The following ATP2B2 variants were observed in gnomAD, a reference collection of about 807,000 sequenced individuals.
ATP2B2 encodes ATPase plasma membrane Ca2+ transporting 2, also known as plasma membrane calcium-transporting ATPase 2.
ATP2B2 carries 15 observed loss-of-function variants against 120.0 expected under a neutral mutation model. The ratio of observed to expected loss-of-function variants is 0.12; its 90% CI spans 0.08 to 0.19. The LOEUF (loss-of-function observed/expected upper bound fraction) is 0.19. Ranked by LOEUF, ATP2B2 falls within the 10% of genes least tolerant of loss-of-function variation. The pLI, the probability that ATP2B2 is intolerant of heterozygous loss-of-function variation, is 1.00. For missense variants in ATP2B2, 1,045 were observed against 1,719.8 expected (o/e 0.61, Z 6.94); for synonymous variants, 694 against 700.3 (o/e 0.99, Z 0.14).
chr3:10,589,185 A>G (rs747477514), intron 2 of ATP2B2, among the ~76,000 whole-genome samples: 5 of 152,122 alleles, frequency 3.3e-5, no homozygotes, highest in Non-Finnish European at 7.4e-5. Context: ...CCTGAACTCC[A>G]GCCACTCCCA....
chr3:10,399,480 A>C (rs1234098290), intron 5 of ATP2B2, among the ~76,000 whole-genome samples: 1 of 152,232 alleles, frequency 6.6e-6, no homozygotes, highest in Non-Finnish European at 1.5e-5. Context: ...ACAATGGTGG[A>C]ACATCTTCAT....
upstream of ATP2B2, among the ~76,000 whole-genome samples, chr3:10,509,009 C>T (rs2066706026): frequency 6.6e-6 from 1 of 152,130 alleles, no homozygotes; most frequent in South Asian, 2.1e-4. Context: ...GTTGGCCAGA[C>T]CATGTTTTTC....
At chr3:10,418,581 C>G (rs935867913) in intron 2 of ATP2B2, among the ~76,000 whole-genome samples, 15 of 152,118 alleles carry the variant, frequency 9.9e-5, no homozygotes, top group Admixed American at 7.2e-4. Context: ...CTCTTCTCCC[C>G]TGTTCTGAGG....
chr3:10,681,230 C>T (rs528287307), intron 1 of ATP2B2, among the ~76,000 whole-genome samples: 1 of 152,298 alleles, frequency 6.6e-6, no homozygotes, highest in African/African-American at 2.4e-5. Flanking sequence ...TATAGCAATG[C>T]TAGAATGGCC....
At chr3:10,663,885 G>A (rs1575603260) in intron 1 of ATP2B2, among the ~76,000 whole-genome samples, 3 of 152,250 alleles carry the variant, frequency 2.0e-5, no homozygotes, top group Middle Eastern at 3.4e-3. Flanking sequence ...GACAGGGTCA[G>A]GTCTCCTCTA....
chr3:10,578,439 C>T (rs575933105), intron 2 of ATP2B2, among the ~76,000 whole-genome samples: 11 of 150,528 alleles, frequency 7.3e-5, no homozygotes, highest in African/African-American at 2.0e-4. Context: ...CCCACCTACT[C>T]GGGAGGTTGA....
chr3:10,687,824 G>A (rs968294150), intron 1 of ATP2B2, among the ~76,000 whole-genome samples: 28 of 152,112 alleles, frequency 1.8e-4, no homozygotes, highest in South Asian at 1.3e-3. Flanking sequence ...TCACACCACC[G>A]CACTCCAGCC....
intron 14 of ATP2B2, among the ~76,000 whole-genome samples, chr3:10,355,465 A>G (rs1398583374): frequency 6.6e-6 from 1 of 152,156 alleles, no homozygotes; most frequent in Non-Finnish European, 1.5e-5. Context: ...TGGGAGGGTA[A>G]GTCTTCCAGT....
chr3:10,437,320 A>G (rs140905463), intron 2 of ATP2B2, among the ~76,000 whole-genome samples: 120 of 152,324 alleles, frequency 7.9e-4, no homozygotes, highest in African/African-American at 1.8e-3. Flanking sequence ...TTTCCTGGGC[A>G]GTGCTAAGTG....
chr3:10,672,672 G>T (rs1181366195), intron 1 of ATP2B2, among the ~76,000 whole-genome samples: 1 of 152,192 alleles, frequency 6.6e-6, no homozygotes, highest in African/African-American at 2.4e-5. Context: ...TCCAACCAGG[G>T]TGTGCTGAAC....
At chr3:10,552,796 T>C (rs1411910556) in intron 2 of ATP2B2, among the ~76,000 whole-genome samples, 2 of 152,222 alleles carry the variant, frequency 1.3e-5, no homozygotes, top group Non-Finnish European at 2.9e-5. Flanking sequence ...GAGAAGCAGG[T>C]GAACTGGAGA....
intron 3 of ATP2B2, among the ~76,000 whole-genome samples, chr3:10,531,076 G>C (rs1441587383): frequency 6.6e-6 from 1 of 152,214 alleles, no homozygotes; most frequent in African/African-American, 2.4e-5. Context: ...TTGAGGCAGT[G>C]ACTCGAGCTG....
chr3:10,524,045 C>T (rs1472712188), intron 3 of ATP2B2, among the ~76,000 whole-genome samples: 4 of 152,174 alleles, frequency 2.6e-5, no homozygotes, highest in African/African-American at 9.7e-5. Context: ...CTTAAAATAT[C>T]GTGAGCATTG....
chr3:10,514,849 T>C (rs1416973450), intron 3 of ATP2B2, among the ~76,000 whole-genome samples: 1 of 152,106 alleles, frequency 6.6e-6, no homozygotes, highest in African/African-American at 2.4e-5. Flanking sequence ...CTGGGCCACC[T>C]CTCTCACTGC....
chr3:10,530,072 G>A (rs2067179037), intron 3 of ATP2B2, among the ~76,000 whole-genome samples: 1 of 152,162 alleles, frequency 6.6e-6, no homozygotes, highest in Non-Finnish European at 1.5e-5. Flanking sequence ...GTGGTCATGT[G>A]TCACGGCAGC....
intron 12 of ATP2B2, among the ~76,000 whole-genome samples, chr3:10,365,257 C>G (rs2061010376): frequency 6.6e-6 from 1 of 152,250 alleles, no homozygotes; most frequent in Non-Finnish European, 1.5e-5. Flanking sequence ...ATGCCCACAT[C>G]CCCACCCCAC....
chr3:10,617,901 G>A (rs923862452), intron 2 of ATP2B2, among the ~76,000 whole-genome samples: 46 of 151,052 alleles, frequency 3.0e-4, no homozygotes, highest in African/African-American at 1.1e-3. Flanking sequence ...TGCCCACCTG[G>A]CCATTTGCTC....
At chr3:10,456,890 C>T (rs2064282355) in intron 1 of ATP2B2, among the ~76,000 whole-genome samples, 1 of 152,266 alleles carries the variant, frequency 6.6e-6, no homozygotes, top group African/African-American at 2.4e-5. Flanking sequence ...CCTCTTCCTC[C>T]ATGCTGAACC....
At position 10,329,243 on chromosome 3, in the gene ATP2B2, A is replaced by G; in HGVS notation, c.3421-118T>C. The G allele has an allele frequency of 9.9e-7, 1 of 1,010,978 alleles. No individual in the cohort carries two copies. The highest frequency in any genetic ancestry group is 1.3e-5 in the South Asian group (1 of 77,098). The allele number at this position is 1,010,978 out of a possible 1,614,324, so 62.6% of individuals were successfully genotyped here. On this transcript the variant is annotated intron_variant, in intron 22 of 22. Coordinates refer to ENST00000360273, the MANE Select transcript of ATP2B2 (RefSeq NM_001001331.4). The surrounding 1 kb of genome is among the most constrained non-coding windows in gnomAD (Gnocchi z 5.9). ...GGCAAAGCAGGTGGCTGGAATCCAT[A>G]GTCGCTGGGTGTTATTAGCATTGAC...
Sources: allele counts gnomAD v4.1 joint callset (sites outside exome capture counted in the v4.1 genomes callset), GRCh38; gene constraint gnomAD v4.1.1; non-coding constraint Gnocchi (gnomAD v3.1); transcripts MANE v1.5; gene names NCBI Gene and HGNC (gene_info 2026-07-23, HGNC 2026-07-21).